The following GMDS variants were observed in gnomAD, a reference collection of about 807,000 sequenced individuals.
The protein encoded by GMDS is GDP-mannose 4,6 dehydratase.
In GMDS, 20 loss-of-function variants were observed where a neutral mutation model predicts 49.9. The observed-to-expected ratio is 0.40, with a 90% CI of 0.28 to 0.58. The LOEUF (loss-of-function observed/expected upper bound fraction) is 0.58, where lower values mean the gene tolerates loss of function less well. GMDS is among the 20% of genes least tolerant of loss of function. The pLI is 0.42. For missense variants in GMDS, 362 were observed against 481.4 expected (o/e 0.75, Z 2.32); for synonymous variants, 177 against 178.6 (o/e 0.99, Z 0.07).
chr6:1,653,522 A>G (rs56320913), intron 9 of GMDS, among the ~76,000 whole-genome samples: 20,352 of 152,250 alleles, frequency 0.13, 1,836 homozygotes, highest in Non-Finnish European at 0.19. Flanking sequence ...AACAATAGCA[A>G]AGTTGGAGAG....
intron 4 of GMDS, among the ~76,000 whole-genome samples, chr6:2,087,849 A>G (rs1773100937): frequency 6.6e-6 from 1 of 152,194 alleles, no homozygotes; most frequent in Non-Finnish European, 1.5e-5. Context: ...AGTCCCTATA[A>G]TCAAGGTAGA....
chr6:2,085,214 G>A (rs897424574), intron 4 of GMDS, among the ~76,000 whole-genome samples: 4 of 151,932 alleles, frequency 2.6e-5, no homozygotes, highest in Admixed American at 2.0e-4. Context: ...GCAAACCCAG[G>A]TCCACTCTCG....
At chr6:2,169,234 A>G (rs1422008176) in intron 1 of GMDS, among the ~76,000 whole-genome samples, 1 of 152,252 alleles carries the variant, frequency 6.6e-6, no homozygotes, top group East Asian at 1.9e-4. Context: ...AGTTATTAAT[A>G]TCGTTATTAC....
intron 9 of GMDS, among the ~76,000 whole-genome samples, chr6:1,715,390 T>C (rs1389960822): frequency 6.6e-6 from 1 of 152,240 alleles, no homozygotes; most frequent in African/African-American, 2.4e-5. Flanking sequence ...GAATGATTCT[T>C]TGGCAATGTG....
chr6:2,029,235 T>C (rs544851797), intron 4 of GMDS, among the ~76,000 whole-genome samples: 14 of 152,200 alleles, frequency 9.2e-5, no homozygotes, highest in Non-Finnish European at 1.8e-4. Flanking sequence ...TGTGTCTGTC[T>C]CTCACACACA....
intron 1 of GMDS, among the ~76,000 whole-genome samples, chr6:2,131,776 G>A (rs571123072): frequency 2.0e-5 from 3 of 151,490 alleles, no homozygotes; most frequent in African/African-American, 7.3e-5. Flanking sequence ...GCATGCCCAA[G>A]GCATACAGTA....
chr6:1,699,946 G>A (rs1321251943), intron 9 of GMDS, among the ~76,000 whole-genome samples: 2 of 152,186 alleles, frequency 1.3e-5, no homozygotes, highest in Admixed American at 6.5e-5. Flanking sequence ...AAGCCCTGGG[G>A]CTCAGCATCT....
chr6:2,179,204 G>T (rs1333876996), intron 1 of GMDS, among the ~76,000 whole-genome samples: 1 of 152,080 alleles, frequency 6.6e-6, no homozygotes, highest in Non-Finnish European at 1.5e-5. Context: ...GAAACAAGAG[G>T]TTGTTGGCTC....
At chr6:1,799,414 T>A (rs1769861096) in intron 7 of GMDS, among the ~76,000 whole-genome samples, 1 of 152,212 alleles carries the variant, frequency 6.6e-6, no homozygotes, top group African/African-American at 2.4e-5. Flanking sequence ...GCCACCTGCC[T>A]TTGGTCTAGT....
intron 4 of GMDS, among the ~76,000 whole-genome samples, chr6:2,055,448 C>T (rs1167090975): frequency 1.3e-5 from 2 of 152,146 alleles, no homozygotes; most frequent in Admixed American, 6.5e-5. Flanking sequence ...GGCTGGTCCA[C>T]TATTTACTAT....
intron 9 of GMDS, among the ~76,000 whole-genome samples, chr6:1,634,925 A>G (rs1039769875): frequency 6.6e-6 from 1 of 152,174 alleles, no homozygotes; most frequent in African/African-American, 2.4e-5. Context: ...TGGGGGAAAG[A>G]GGACTGACAG....
At chr6:2,200,358 G>A (rs1779457553) in intron 1 of GMDS, among the ~76,000 whole-genome samples, 1 of 151,730 alleles carries the variant, frequency 6.6e-6, no homozygotes, top group Non-Finnish European at 1.5e-5. Flanking sequence ...AACAATCTAG[G>A]CAGTGAGGGC....
rs75514302 is a variant in GMDS at position 1,821,398 on chromosome 6, C to T, written c.772-78812G>A. Among the ~76,000 whole-genome samples the T allele has an allele frequency of 5.6e-3, 854 of 151,798 alleles. 11 individuals carry two copies. The highest frequency in any genetic ancestry group is 0.019 in the African/African-American group (807 of 41,422). ...GTGGGGACGGGGGGCAGCTCGCTGT[C>T]GTGGGCTTTAGGGAGCAAACTCTGC... On this transcript the variant is annotated intron_variant, in intron 7 of 10. Transcript: ENST00000380815.
rs1163165931 is a variant in GMDS at position 1,652,741 on chromosome 6, GAC to G, written c.988-28203_988-28202del. ...ATATAGAGAGAGAGAGAGAGAGAGA[GAC>G]AGACAGACAGACAGACAGACAGACA... On this transcript the variant is annotated intron_variant, in intron 9 of 10. Transcript: ENST00000380815. Among the ~76,000 whole-genome samples the G allele has an allele frequency of 6.5e-5, 6 of 92,466 alleles. 1 individual carries two copies. The highest frequency in any genetic ancestry group is 5.3e-4 in the East Asian group (2 of 3,764). The allele number at this position is 92,466 out of a possible 152,430, so 60.7% of individuals were successfully genotyped here.
rs545396048 is a variant in GMDS at position 1,746,728 on chromosome 6, A to G, written c.772-4142T>C. 2.0e-5 allele frequency among the ~76,000 whole-genome samples: 3 copies of G among 152,006 alleles called. No individual in the cohort carries two copies. The East Asian group carries it at 5.8e-4, about 29-fold the overall frequency. ...TTATTTATTTATTTTTTGAGACAGAATCTTGCTCTGTCGCCCAGGCTGGAG... is the reference window on the plus strand; with the variant it reads ...TTATTTATTTATTTTTTGAGACAGAGTCTTGCTCTGTCGCCCAGGCTGGAG... On this transcript the variant is annotated intron_variant, in intron 7 of 10. Transcript: ENST00000380815.
Position 2,165,170 on chromosome 6 carries a change from C to T in GMDS, c.103-40439G>A, listed in dbSNP as rs1488917666. ...TCCTGGAAACTCTGCTCCTCTAGAACCACTCCCAGTACCAAAATCTGTACT... is the reference window on the plus strand; with the variant it reads ...TCCTGGAAACTCTGCTCCTCTAGAATCACTCCCAGTACCAAAATCTGTACT... On this transcript the variant is annotated intron_variant, in intron 1 of 10. Coordinates refer to ENST00000380815, the MANE Select transcript of GMDS (RefSeq NM_001500.4). Among the ~76,000 whole-genome samples the T allele has an allele frequency of 2.0e-5, 3 of 152,188 alleles. No individual in the cohort carries two copies. In the East Asian group the frequency reaches 5.8e-4, roughly 29 times the overall value.
chr6:1,679,629 G>T (rs1167803780), intron 9 of GMDS: 1 of 152,236 alleles, frequency 6.6e-6, no homozygotes, highest in East Asian at 1.9e-4. Context: ...CTCTGTGGAT[G>T]CTCTCTACTC....
intron 8 of GMDS, among the ~76,000 whole-genome samples, chr6:1,736,918 T>G (rs1561768184): frequency 6.6e-6 from 1 of 152,210 alleles, no homozygotes; most frequent in South Asian, 2.1e-4. Flanking sequence ...GTAGCTACAC[T>G]GGCTGCAGGA....
chr6:2,026,930 A>T (rs920955647), intron 4 of GMDS, among the ~76,000 whole-genome samples: 1 of 152,240 alleles, frequency 6.6e-6, no homozygotes, highest in Non-Finnish European at 1.5e-5. Flanking sequence ...AAATGAGGTA[A>T]ATACATTTTC....
Sources: allele counts gnomAD v4.1 joint callset (sites outside exome capture counted in the v4.1 genomes callset), GRCh38; gene constraint gnomAD v4.1.1; transcripts MANE v1.5; gene names NCBI Gene and HGNC (gene_info 2026-07-23, HGNC 2026-07-21).